FBXO11: variants seen among roughly 807,000 people sequenced by gnomAD.
FBXO11 encodes the protein F-box protein 11.
Under a neutral mutation model 117.0 loss-of-function variants are expected in FBXO11, and 13 were observed. The observed-to-expected ratio is 0.11, with a 90% CI of 0.07 to 0.18. FBXO11 has a LOEUF of 0.18. FBXO11 is among the 10% of genes least tolerant of loss of function. The pLI is 1.00. For missense variants in FBXO11, 767 were observed against 1,164.4 expected (o/e 0.66, Z 4.97); for synonymous variants, 490 against 380.5 (o/e 1.29, Z -3.35).
At chr2:47,879,594 G>T (rs1461608247) in intron 1 of FBXO11, among the ~76,000 whole-genome samples, 1 of 152,162 alleles carries the variant, frequency 6.6e-6, no homozygotes, top group African/African-American at 2.4e-5. Context: ...GGGGTTGCAA[G>T]ATCTTTTTGT....
chr2:47,888,075 C>T (rs1007722286), intron 1 of FBXO11, among the ~76,000 whole-genome samples: 1 of 152,046 alleles, frequency 6.6e-6, no homozygotes, highest in Non-Finnish European at 1.5e-5. Context: ...CTTTAATTCA[C>T]TTAAGGATTT....
intron 11 of FBXO11, among the ~76,000 whole-genome samples, chr2:47,824,560 C>G (rs1021788692): frequency 7.9e-5 from 12 of 152,100 alleles, no homozygotes; most frequent in Non-Finnish European, 1.0e-4. Flanking sequence ...TTCACCTTAG[C>G]CCATTAATAG....
chr2:47,813,842 G>A lies in FBXO11; in HGVS notation c.2032C>T (p.Arg678Cys), dbSNP rs1670807608. 12 of 1,613,266 alleles carry A rather than the reference G, an allele frequency of 7.4e-6. No individual in the cohort carries two copies. The highest frequency in any genetic ancestry group is 1.6e-4 in the Middle Eastern group (1 of 6,084). The change falls in exon 17 of 23, where the codon CGC becomes TGC. Residue 678 changes from arginine (R) to cysteine (C), a missense_variant. Physicochemically the swap from Arg to Cys is radical, Grantham distance 180. Around this residue, in one of 10 missense-constraint regions of FBXO11, gnomAD observed 42 missense variants for 216.8 expected, o/e 0.19. Transcript: ENST00000403359. ...IRTGSNPKIRRNKIWGGQNGG... is the reference protein window; with the variant it reads ...IRTGSNPKIRCNKIWGGQNGG... ...TTCTGTCCTCCCCAGATTTTGTTGC[G>A]TCTAATTTTGGGGTTGCTTCCAGTC...
At chr2:47,878,750 G>T (rs1410602397) in intron 1 of FBXO11, among the ~76,000 whole-genome samples, 1 of 151,664 alleles carries the variant, frequency 6.6e-6, no homozygotes, top group African/African-American at 2.4e-5. Flanking sequence ...GACAGAGACA[G>T]GCAGATCACC....
intron 1 of FBXO11, among the ~76,000 whole-genome samples, chr2:47,904,635 G>A (rs539968295): frequency 1.0e-3 from 156 of 150,656 alleles, no homozygotes; most frequent in African/African-American, 3.5e-3. Flanking sequence ...ATATCCCAAG[G>A]GGCCAGTTCT....
chr2:47,856,236 T>C (rs141115024), intron 1 of FBXO11, among the ~76,000 whole-genome samples: 96 of 152,206 alleles, frequency 6.3e-4, no homozygotes, highest in Middle Eastern at 3.4e-3. Flanking sequence ...CAAACAAGCA[T>C]AAAGATAGAT....
intron 1 of FBXO11, among the ~76,000 whole-genome samples, chr2:47,874,206 T>A (rs1675831702): frequency 1.3e-5 from 2 of 152,180 alleles, no homozygotes; most frequent in Admixed American, 1.3e-4. Context: ...AGTGCGAGAC[T>A]GTCTCAAAAA....
intron 1 of FBXO11, among the ~76,000 whole-genome samples, chr2:47,875,920 A>AAGC (rs966684958): frequency 1.3e-5 from 2 of 152,166 alleles, no homozygotes; most frequent in African/African-American, 2.4e-5. Context: ...TAAAAAAGAA[A>AAGC]AGCAGCAGCA....
chr2:47,898,777 G>A (rs745680602), intron 1 of FBXO11, among the ~76,000 whole-genome samples: 3 of 152,150 alleles, frequency 2.0e-5, no homozygotes, highest in Non-Finnish European at 4.4e-5. Context: ...TCTGCTTCAA[G>A]GGGCAGGTTA....
At chr2:47,832,713 C>T (rs1672285575) in intron 9 of FBXO11, 35 bp from the exon 10 acceptor site, 5 of 1,608,886 alleles carry the variant, frequency 3.1e-6, no homozygotes, top group Non-Finnish European at 4.3e-6. Context: ...TAAAAACCTA[C>T]TGGGCAACAT....
chr2:47,840,681 T>G (rs1211459747), intron 1 of FBXO11, among the ~76,000 whole-genome samples: 3 of 151,682 alleles, frequency 2.0e-5, no homozygotes, highest in Non-Finnish European at 4.4e-5. Context: ...CTCAGACTCC[T>G]GGGTTCTAGC....
At chr2:47,839,141 G>C (rs1672825276) in intron 3 of FBXO11, 138 bp from the exon 4 acceptor site, 1 of 837,146 alleles carries the variant, frequency 1.2e-6, no homozygotes, top group Non-Finnish European at 1.8e-6. Context: ...GGGTTTCATG[G>C]GTAACACATA....
intron 13 of FBXO11, among the ~76,000 whole-genome samples, chr2:47,820,714 T>TTA (rs571229616): frequency 4.8e-4 from 73 of 152,332 alleles, no homozygotes; most frequent in African/African-American, 1.7e-3. Context: ...AGTAAGTAAT[T>TTA]TAACCTCTTT....
At chr2:47,869,777 G>C (rs1424594447) in intron 1 of FBXO11, among the ~76,000 whole-genome samples, 1 of 152,220 alleles carries the variant, frequency 6.6e-6, no homozygotes, top group Non-Finnish European at 1.5e-5. Context: ...TGGGGCAAGG[G>C]TTAGTACACT....
At chr2:47,812,353 TCCCAAA>T (rs1461584507) in intron 18 of FBXO11, among the ~76,000 whole-genome samples, 2 of 152,206 alleles carry the variant, frequency 1.3e-5, no homozygotes, top group Non-Finnish European at 1.5e-5. Context: ...TGTTCGCCTC[TCCCAAA>T]CCCAATTGCC....
At chr2:47,831,130 G>A (rs1167018265) in intron 11 of FBXO11, among the ~76,000 whole-genome samples, 1 of 151,330 alleles carries the variant, frequency 6.6e-6, no homozygotes, top group Non-Finnish European at 1.5e-5. Context: ...AAAGAGCTCT[G>A]CCTTGGCCAG....
At chr2:47,837,346 G>A (rs1207870700) in intron 4 of FBXO11, among the ~76,000 whole-genome samples, 5 of 152,182 alleles carry the variant, frequency 3.3e-5, no homozygotes, top group Admixed American at 3.3e-4. Context: ...AGCCAACATG[G>A]TGAAACCCTG....
At chr2:47,895,956 A>C (rs1356744881) in intron 1 of FBXO11, among the ~76,000 whole-genome samples, 1 of 152,174 alleles carries the variant, frequency 6.6e-6, no homozygotes, top group East Asian at 1.9e-4. Flanking sequence ...CAGCCTCCCA[A>C]AGTGCTGGGA....
chr2:47,887,285 CA>C (rs1201052595), intron 1 of FBXO11, among the ~76,000 whole-genome samples: 16 of 57,174 alleles, frequency 2.8e-4, no homozygotes, highest in Non-Finnish European at 2.1e-4. Flanking sequence ...AACTCCGTTT[CA>C]AAAAAAAAAG....
Sources: gnomAD v4.1 joint callset for allele counts (sites outside exome capture counted in the v4.1 genomes callset) on GRCh38, gnomAD v4.1.1 for gene constraint, gnomAD v4.1.1 regional missense constraint, MANE v1.5 for transcripts, NCBI Gene and HGNC (gene_info 2026-07-23, HGNC 2026-07-21) for gene names.